The following CRY1 variants were observed in gnomAD, a reference collection of about 807,000 sequenced individuals.
CRY1 encodes cryptochrome circadian regulator 1.
Under a neutral mutation model 76.0 loss-of-function variants are expected in CRY1, and 45 were observed. The observed-to-expected ratio is 0.59, with a 90% CI of 0.47 to 0.76. CRY1 has a LOEUF of 0.76. Among genes scored for constraint, CRY1 ranks in the 30% least tolerant of loss-of-function variants. The probability of loss-of-function intolerance (pLI) is 0.00; values close to 1 mark genes in which losing one functional copy is unlikely to be tolerated. For synonymous variants in CRY1, 248 were observed against 244.0 expected (o/e 1.02, Z -0.15); for missense variants, 587 against 716.4 (o/e 0.82, Z 2.06).
Position 107,001,803 on chromosome 12 carries a change from G to C in CRY1, c.556C>G (p.His186Asp), listed in dbSNP as rs757561706. 3 of 1,578,484 alleles carry C rather than the reference G, an allele frequency of 1.9e-6. No individual in the cohort carries two copies. The highest frequency in any genetic ancestry group is 1.7e-4 in the Middle Eastern group (1 of 5,976). Residue 186 changes from histidine (H) to aspartate (D), a missense_variant, in exon 4 of 13, where the codon CAT (histidine) becomes GAT (aspartate). His to Asp is a moderately conservative substitution (Grantham distance 81, BLOSUM62 -1). Coordinates refer to ENST00000008527, the MANE Select transcript of CRY1 (RefSeq NM_004075.5). ...GAAGGGACTCCATATTTCTCATCAT[G>C]GTCATCAGACAGAGGAGTTGTGCAC... The part of the protein sequence containing the change: ...EKCTTPLSDD[H>D]DEKYGVPSLE...
In CRY1 at chr12:107,001,840, T is replaced by C; in HGVS notation, c.519A>G (p.Glu173=). ...GAGGAGTTGTGCACTTTTCTATCAC[T>C]TCTGAAGTAATTGTCTCTACTGGTA... is the stretch of plus-strand genomic sequence containing the variant. ...LEIPVETITS[E]VIEKCTTPLS... The change falls in exon 4 of 13, where the codon GAA becomes GAG. Residue 173 remains glutamate (E), a synonymous_variant. Coordinates refer to ENST00000008527, the MANE Select transcript of CRY1 (RefSeq NM_004075.5). 1 of 1,594,234 alleles carries C rather than the reference T, an allele frequency of 6.3e-7. No individual in the cohort carries two copies. Among genetic ancestry groups the C allele is most frequent in the Non-Finnish European group, 8.5e-7 (1 of 1,175,542 alleles).
chr12:107,092,745 T>C, intron 1 of CRY1, 59 bp downstream of exon 1: 2 of 1,597,362 alleles, frequency 1.3e-6, no homozygotes, highest in Non-Finnish European at 8.5e-7. Context: ...TCGCATGGAA[T>C]TCATTAACAT....
At chr12:107,002,496 T>TATA (rs1236440361) in intron 3 of CRY1, among the ~76,000 whole-genome samples, 2 of 152,246 alleles carry the variant, frequency 1.3e-5, no homozygotes, top group Admixed American at 1.3e-4. Flanking sequence ...TTAACATATT[T>TATA]ATAATCTCAG....
At chr12:107,026,074 T>G (rs1382490245) in intron 1 of CRY1, among the ~76,000 whole-genome samples, 1 of 78,864 alleles carries the variant, frequency 1.3e-5, no homozygotes, top group Non-Finnish European at 2.9e-5. Flanking sequence ...AAATTTTACC[T>G]CATATTATAC....
chr12:107,052,530 A>G (rs1397484385), intron 1 of CRY1, among the ~76,000 whole-genome samples: 1 of 152,192 alleles, frequency 6.6e-6, no homozygotes, highest in Non-Finnish European at 1.5e-5. Flanking sequence ...AACTGTTCAA[A>G]TGGTAATAAC....
chr12:107,070,687 T>G (rs1364420551), intron 1 of CRY1, among the ~76,000 whole-genome samples: 1 of 148,222 alleles, frequency 6.7e-6, no homozygotes, highest in East Asian at 2.0e-4. Flanking sequence ...TATTTATTTA[T>G]TTATTTATTT....
At chr12:107,056,617 T>C (rs1033273882) in intron 1 of CRY1, among the ~76,000 whole-genome samples, 1 of 152,122 alleles carries the variant, frequency 6.6e-6, no homozygotes, top group Non-Finnish European at 1.5e-5. Flanking sequence ...TCATTAATGT[T>C]AGTATATTTT....
chr12:107,055,560 C>T (rs948773035), intron 1 of CRY1, among the ~76,000 whole-genome samples: 4 of 151,882 alleles, frequency 2.6e-5, no homozygotes, highest in Admixed American at 6.6e-5. Context: ...TAAAAAAAAG[C>T]AGAACAAAGA....
At chr12:107,090,054 C>T (rs1475952819) in intron 1 of CRY1, among the ~76,000 whole-genome samples, 1 of 152,056 alleles carries the variant, frequency 6.6e-6, no homozygotes, top group African/African-American at 2.4e-5. Context: ...AAGTAAAACA[C>T]TCTTCCTTGA....
intron 1 of CRY1, among the ~76,000 whole-genome samples, chr12:107,084,868 C>T (rs951825847): frequency 2.0e-5 from 3 of 151,746 alleles, no homozygotes; most frequent in African/African-American, 7.3e-5. Flanking sequence ...AAGAAACCAT[C>T]ATCAGAGTGA....
At chr12:107,024,180 C>T (rs1245949123) in intron 1 of CRY1, among the ~76,000 whole-genome samples, 1 of 152,144 alleles carries the variant, frequency 6.6e-6, no homozygotes, top group Non-Finnish European at 1.5e-5. Context: ...TCAAAATCTT[C>T]CCCACCAGAA....
chr12:107,025,976 T>C (rs1350288840), intron 1 of CRY1, among the ~76,000 whole-genome samples: 1 of 150,590 alleles, frequency 6.6e-6, no homozygotes, highest in African/African-American at 2.5e-5. Context: ...TTTAAGTTCA[T>C]ATCACACTAA....
intron 1 of CRY1, among the ~76,000 whole-genome samples, chr12:107,023,547 CT>C (rs1952579611): frequency 6.6e-6 from 1 of 152,174 alleles, no homozygotes; most frequent in Non-Finnish European, 1.5e-5. Context: ...CCAAATAAGT[CT>C]TGTTGATTTT....
chr12:107,050,379 A>C (rs1952904676), intron 1 of CRY1: 1 of 152,100 alleles, frequency 6.6e-6, no homozygotes, highest in African/African-American at 2.4e-5. Flanking sequence ...CCTAGGGGGG[A>C]GCCATTTGGG....
intron 1 of CRY1, among the ~76,000 whole-genome samples, chr12:107,053,163 A>C (rs1381475942): frequency 6.6e-6 from 1 of 152,248 alleles, no homozygotes; most frequent in Non-Finnish European, 1.5e-5. Context: ...GAAAAATATA[A>C]TAATTGAAAT....
At chr12:107,073,955 G>C (rs1953220918) in intron 1 of CRY1, among the ~76,000 whole-genome samples, 2 of 152,032 alleles carry the variant, frequency 1.3e-5, no homozygotes, top group South Asian at 4.1e-4. Flanking sequence ...AACAAACTTT[G>C]ATACACCTAA....
chr12:107,085,749 G>A (rs1414259901), intron 1 of CRY1, among the ~76,000 whole-genome samples: 1 of 151,940 alleles, frequency 6.6e-6, no homozygotes, highest in East Asian at 1.9e-4. Context: ...GATGGGTGCA[G>A]CAAAACCACC....
intron 1 of CRY1, among the ~76,000 whole-genome samples, chr12:107,034,899 A>G (rs1412473899): frequency 6.6e-6 from 1 of 152,224 alleles, no homozygotes; most frequent in African/African-American, 2.4e-5. Context: ...CTTGTAACTT[A>G]TGCCTCTCTG....
At chr12:107,086,097 T>C (rs1396771167) in intron 1 of CRY1, among the ~76,000 whole-genome samples, 1 of 152,200 alleles carries the variant, frequency 6.6e-6, no homozygotes, top group Non-Finnish European at 1.5e-5. Flanking sequence ...TATCCATGCC[T>C]AGGACTTTGT....
Sources: gnomAD v4.1 joint callset for allele counts (sites outside exome capture counted in the v4.1 genomes callset) on GRCh38, gnomAD v4.1.1 for gene constraint, MANE v1.5 for transcripts, NCBI Gene and HGNC (gene_info 2026-07-23, HGNC 2026-07-21) for gene names.